PRICKLE2: variants seen among roughly 807,000 people sequenced by gnomAD.
PRICKLE2 encodes the protein prickle-like protein 2.
In PRICKLE2, 21 loss-of-function variants were observed where a neutral mutation model predicts 81.4. The ratio of observed to expected loss-of-function variants is 0.26; its 90% confidence interval spans 0.18 to 0.37. The LOEUF is 0.37. Among genes scored for constraint, PRICKLE2 ranks in the 10% least tolerant of loss-of-function variants. The pLI is 1.00. For missense variants in PRICKLE2, 940 were observed against 1,109.0 expected (o/e 0.85, Z 2.16); for synonymous variants, 456 against 421.5 (o/e 1.08, Z -1.00).
At chr3:64,205,800 A>G (rs1196458657) in intron 1 of PRICKLE2, among the ~76,000 whole-genome samples, 1 of 152,214 alleles carries the variant, frequency 6.6e-6, no homozygotes, top group Non-Finnish European at 1.5e-5. Flanking sequence ...AACTCAAAAC[A>G]GAAAACAGGG....
intron 2 of PRICKLE2, among the ~76,000 whole-genome samples, chr3:64,164,472 G>A (rs1025317412): frequency 6.6e-6 from 1 of 152,214 alleles, no homozygotes; most frequent in Non-Finnish European, 1.5e-5. Flanking sequence ...GTGAAGAGGT[G>A]CGAAAGCTCT....
At chr3:64,190,586 G>C (rs2078315282) in intron 2 of PRICKLE2, among the ~76,000 whole-genome samples, 3 of 152,142 alleles carry the variant, frequency 2.0e-5, no homozygotes, top group African/African-American at 4.8e-5. Context: ...GTGAATGAGT[G>C]AACAGAAAAA....
chr3:64,160,477 A>C (rs2077714533), intron 3 of PRICKLE2, among the ~76,000 whole-genome samples: 1 of 152,216 alleles, frequency 6.6e-6, no homozygotes, highest in South Asian at 2.1e-4. Context: ...CCATGTGCCC[A>C]TGCAAGTGAT....
chr3:64,257,829 TA>T (rs1190293935), intron 2 of PRICKLE2, among the ~76,000 whole-genome samples: 6 of 152,276 alleles, frequency 3.9e-5, no homozygotes, highest in African/African-American at 1.4e-4. Context: ...TCCTAACCCC[TA>T]AAGTGATAGT....
chr3:64,217,403 G>A (rs1478916946), intron 1 of PRICKLE2, among the ~76,000 whole-genome samples: 1 of 152,176 alleles, frequency 6.6e-6, no homozygotes, highest in African/African-American at 2.4e-5. Flanking sequence ...TAGTGATGAA[G>A]TCTGGGCTTT....
intron 2 of PRICKLE2, chr3:64,194,423 C>G (rs577568319): frequency 6.6e-6 from 1 of 152,362 alleles, no homozygotes; most frequent in East Asian, 1.9e-4. Flanking sequence ...ACCCAGTGAT[C>G]CTCCTATTCC....
chr3:64,233,519 A>C (rs2079135654), intron 2 of PRICKLE2, among the ~76,000 whole-genome samples: 2 of 152,134 alleles, frequency 1.3e-5, no homozygotes, highest in African/African-American at 4.8e-5. Flanking sequence ...TGTCTGAAAT[A>C]TTCCTCCTGC....
intron 1 of PRICKLE2, among the ~76,000 whole-genome samples, chr3:64,204,273 A>C (rs2078641832): frequency 6.6e-6 from 1 of 152,208 alleles, no homozygotes; most frequent in African/African-American, 2.4e-5. Flanking sequence ...ATACCGAGCC[A>C]TATGCCTGGC....
upstream of PRICKLE2, among the ~76,000 whole-genome samples, chr3:64,226,298 C>CG (rs1392871882): frequency 4.6e-5 from 7 of 152,164 alleles, no homozygotes; most frequent in Non-Finnish European, 1.0e-4. Flanking sequence ...CTCCGAGCTC[C>CG]ATTTTTATAC....
At chr3:64,181,460 C>T (rs147532759) in intron 2 of PRICKLE2, among the ~76,000 whole-genome samples, 189 of 152,292 alleles carry the variant, frequency 1.2e-3, no homozygotes, top group African/African-American at 4.4e-3. Flanking sequence ...ACAACATTGC[C>T]TTACTCTACT....
intron 2 of PRICKLE2, among the ~76,000 whole-genome samples, chr3:64,180,129 G>C (rs2078102284): frequency 6.6e-6 from 1 of 152,170 alleles, no homozygotes; most frequent in Admixed American, 6.5e-5. Context: ...AATGTTATGT[G>C]CGTATGTTAT....
intron 2 of PRICKLE2, among the ~76,000 whole-genome samples, chr3:64,166,168 C>A (rs554412853): frequency 6.6e-6 from 1 of 152,282 alleles, no homozygotes; most frequent in Admixed American, 6.5e-5. Flanking sequence ...TCCTGCAGAT[C>A]TGCTTCTCAC....
rs766760309 is a variant in PRICKLE2, at chr3:64,147,332, G to T, written c.1158C>A (p.Pro386=). The T allele has an allele frequency of 5.6e-6, 9 of 1,614,128 alleles. No homozygotes were observed. The highest frequency in any genetic ancestry group is 2.5e-6 in the Non-Finnish European group (3 of 1,180,012). ...TCCAGATGGGGTCCCGGTTGAGGCT[G>T]GGTGTCTGGCTGGACAGGCTGAGCA... ...MDMLSLSSQT[P]SLNRDPIWRS... Residue 386 remains proline, a synonymous_variant, in exon 7 of 8, where the codon CCC becomes CCA. Coordinates refer to ENST00000638394, the MANE Select transcript of PRICKLE2 (RefSeq NM_198859.4). This position sits in a 1 kb window ranked among gnomAD's most constrained non-coding sequence, Gnocchi z 5.0.
intron 2 of PRICKLE2, among the ~76,000 whole-genome samples, chr3:64,197,538 A>C (rs1412878676): frequency 5.3e-5 from 8 of 152,214 alleles, no homozygotes; most frequent in African/African-American, 1.7e-4. Context: ...AAAGTACAAG[A>C]TCATATCCTT....
intron 4 of PRICKLE2, 148 bp downstream of exon 4, chr3:64,159,792 T>G: frequency 1.0e-6 from 1 of 1,002,842 alleles, no homozygotes. Flanking sequence ...TCCAACTCCT[T>G]AGAAGGGCAA....
At chr3:64,260,560 T>A (rs191590118) in intron 2 of PRICKLE2, among the ~76,000 whole-genome samples, 53 of 152,356 alleles carry the variant, frequency 3.5e-4, no homozygotes, top group African/African-American at 1.3e-3. Context: ...CCTGTCTTAG[T>A]AACTCAATGA....
chr3:64,099,458 G>C lies in PRICKLE2; in HGVS notation c.2128C>G (p.Arg710Gly), dbSNP rs1265364678. 2.5e-6 allele frequency: 4 copies of C among 1,584,096 alleles called. No homozygotes were observed. The South Asian group carries it at 3.4e-5, about 14-fold the overall frequency. The stretch of plus-strand genomic sequence containing the variant: ...CTCAGAGGGGGCCTATCTTTTAACC[G>C]GGAGATGGCCTCGCGTTCGCTGGCC... ...HLASEREAIS[R>G]LKDRPPLRAR... Residue 710 changes from arginine to glycine, a missense_variant, in exon 8 of 8, where the codon CGG becomes GGG. Transcript: ENST00000638394. This position sits in a 1 kb window ranked among gnomAD's most constrained non-coding sequence, Gnocchi z 4.3.
intron 7 of PRICKLE2, among the ~76,000 whole-genome samples, chr3:64,125,253 T>C (rs2077088649): frequency 6.6e-6 from 1 of 152,230 alleles, no homozygotes; most frequent in Non-Finnish European, 1.5e-5. Context: ...GAAAGTGGTT[T>C]CTTGAAATAG....
chr3:64,254,783 G>T (rs2079500632), intron 2 of PRICKLE2, among the ~76,000 whole-genome samples: 2 of 152,126 alleles, frequency 1.3e-5, no homozygotes, highest in Admixed American at 1.3e-4. Context: ...CTCACAGATT[G>T]CCTTTAGTAT....
Sources: allele counts gnomAD v4.1 joint callset (sites outside exome capture counted in the v4.1 genomes callset), GRCh38; gene constraint gnomAD v4.1.1; non-coding constraint Gnocchi (gnomAD v3.1); transcripts MANE v1.5; gene names NCBI Gene and HGNC (gene_info 2026-07-23, HGNC 2026-07-21).